The following SOX5 variants were observed in gnomAD, a reference collection of about 807,000 sequenced individuals.
SOX5 encodes SRY-box transcription factor 5.
Under a neutral mutation model 92.0 loss-of-function variants are expected in SOX5, and 9 were observed. The observed-to-expected ratio is 0.10, with a 90% CI of 0.06 to 0.17. SOX5 has a LOEUF of 0.17. SOX5 is among the 10% of genes least tolerant of loss of function. The probability of loss-of-function intolerance (pLI) is 1.00; values close to 1 mark genes in which losing one functional copy is unlikely to be tolerated. For missense variants in SOX5, 642 were observed against 944.5 expected (o/e 0.68, Z 4.20); for synonymous variants, 344 against 336.3 (o/e 1.02, Z -0.25).
chr12:24,474,597 G>A (rs1036116808), intron 1 of SOX5, among the ~76,000 whole-genome samples: 10 of 146,260 alleles, frequency 6.8e-5, no homozygotes, highest in African/African-American at 2.0e-4. Flanking sequence ...GTGCAGTGGC[G>A]TGATCTCAGT....
At chr12:24,245,235 TTGTGTGTGTGTG>T (rs58384963) in intron 3 of SOX5, among the ~76,000 whole-genome samples, 21 of 144,366 alleles carry the variant, frequency 1.5e-4, no homozygotes, top group African/African-American at 3.7e-4. Context: ...TTGGAGAGAT[TTGTGTGTGTGTG>T]TGTGTGTGTG....
intron 8 of SOX5, among the ~76,000 whole-genome samples, chr12:23,626,281 A>G (rs1216446480): frequency 6.6e-6 from 1 of 152,072 alleles, no homozygotes; most frequent in Non-Finnish European, 1.5e-5. Flanking sequence ...TCTGCTATGA[A>G]ACTACTTTAT....
intron 6 of SOX5, among the ~76,000 whole-genome samples, chr12:23,690,378 A>G (rs1006944899): frequency 1.3e-5 from 2 of 152,180 alleles, no homozygotes; most frequent in Non-Finnish European, 2.9e-5. Flanking sequence ...TATTCACACA[A>G]TAGTACAACC....
At chr12:23,638,225 G>T (rs2079541159) in intron 8 of SOX5, 1 of 152,124 alleles carries the variant, frequency 6.6e-6, no homozygotes, top group African/African-American at 2.4e-5. Flanking sequence ...ACCCACATCT[G>T]CACAGGAACA....
At position 24,056,974 on chromosome 12, in the gene SOX5, CAAAAAA is replaced by C. The variant is rs60085412; in HGVS notation, c.-2+156363_-2+156368del. Among the ~76,000 whole-genome samples the C allele has an allele frequency of 8.1e-5, 3 of 36,904 alleles. 1 individual carries two copies. The highest frequency in any genetic ancestry group is 2.1e-3 in the South Asian group (2 of 938). The allele number at this position is 36,904 out of a possible 152,430, so 24.2% of individuals were successfully genotyped here. ...TGGGCGACAGAGCGAGACTCCGTCT[CAAAAAA>C]AAAAAAAAAAAAATTCAACAAAAAA... On this transcript the variant is annotated intron_variant, in intron 4 of 4. Transcript: ENST00000446891.
chr12:24,193,625 G>A (rs566010065), intron 4 of SOX5, among the ~76,000 whole-genome samples: 2 of 152,118 alleles, frequency 1.3e-5, no homozygotes, highest in Admixed American at 1.3e-4. Flanking sequence ...CTTGTGTTTG[G>A]CTAATATTGA....
chr12:24,234,728 C>T (rs1162027299), intron 3 of SOX5, among the ~76,000 whole-genome samples: 3 of 152,162 alleles, frequency 2.0e-5, no homozygotes, highest in African/African-American at 7.2e-5. Context: ...AGAAATATCA[C>T]AATTATATTT....
chr12:24,243,969 A>G (rs1442804156), intron 3 of SOX5, among the ~76,000 whole-genome samples: 1 of 151,990 alleles, frequency 6.6e-6, no homozygotes, highest in Non-Finnish European at 1.5e-5. Flanking sequence ...CAAGCTATCT[A>G]ATTTACCAAT....
intron 4 of SOX5, among the ~76,000 whole-genome samples, chr12:24,050,084 C>CAAAAAAAAAAA (rs10687571): frequency 1.3e-5 from 1 of 74,254 alleles, no homozygotes; most frequent in Non-Finnish European, 2.3e-5. Flanking sequence ...GGCGCAGAGG[C>CAAAAAAAAAAA]AAAAAAAAAA....
chr12:23,937,629 A>T (rs999154665), intron 1 of SOX5, among the ~76,000 whole-genome samples: 6 of 150,886 alleles, frequency 4.0e-5, no homozygotes, highest in Admixed American at 1.3e-4. Flanking sequence ...TGGGGTTCTC[A>T]TCCTAAGGGC....
chr12:24,343,323 T>C (rs1217954403), intron 2 of SOX5, among the ~76,000 whole-genome samples: 1 of 152,056 alleles, frequency 6.6e-6, no homozygotes, highest in Non-Finnish European at 1.5e-5. Flanking sequence ...AGCAGTAGAG[T>C]AAAACGGCTT....
chr12:23,994,448 T>C (rs1020843955), intron 4 of SOX5, among the ~76,000 whole-genome samples: 38 of 152,208 alleles, frequency 2.5e-4, no homozygotes, highest in African/African-American at 9.2e-4. Context: ...TATAGATAGG[T>C]ATATATAGAT....
intron 4 of SOX5, among the ~76,000 whole-genome samples, chr12:24,080,054 A>AAT (rs1264772269): frequency 6.6e-6 from 1 of 151,914 alleles, no homozygotes; most frequent in Admixed American, 6.6e-5. Flanking sequence ...ACTTTGGAAC[A>AAT]ATTATATATT....
rs147660292 is a variant in SOX5, at chr12:24,203,492, T to C, written c.-2+9851A>G. On this transcript the variant is annotated intron_variant, in intron 4 of 4. Coordinates refer to the SOX5 transcript ENST00000446891. Reference sequence around the variant, plus strand: ...GCAGATAGAGCTGGGAATATTTAAATGAACACACGCATATACTCCCATTTC... The same window carrying C: ...GCAGATAGAGCTGGGAATATTTAAACGAACACACGCATATACTCCCATTTC... Among the ~76,000 whole-genome samples the C allele has an allele frequency of 2.8e-4, 43 of 152,338 alleles. No individual in the cohort carries two copies. The East Asian group carries it at 5.2e-3, about 18-fold the overall frequency.
At chr12:23,698,071 G>C (rs2090127459) in intron 6 of SOX5, among the ~76,000 whole-genome samples, 1 of 152,038 alleles carries the variant, frequency 6.6e-6, no homozygotes, top group Non-Finnish European at 1.5e-5. Flanking sequence ...CAGTACAACT[G>C]TTAAACTTAT....
intron 10 of SOX5, among the ~76,000 whole-genome samples, chr12:23,566,273 CT>C (rs1365300765): frequency 6.6e-6 from 1 of 152,132 alleles, no homozygotes; most frequent in Admixed American, 6.6e-5. Flanking sequence ...CACTGTTTCT[CT>C]TTTTATCTTT....
chr12:23,636,408 C>T (rs1266733417), intron 8 of SOX5, among the ~76,000 whole-genome samples: 5 of 152,106 alleles, frequency 3.3e-5, no homozygotes, highest in African/African-American at 9.7e-5. Context: ...TAAAGCATAT[C>T]ATTTTGCTTG....
chr12:24,219,365 A>G (rs1363896487), intron 3 of SOX5, among the ~76,000 whole-genome samples: 7 of 152,084 alleles, frequency 4.6e-5, no homozygotes, highest in Admixed American at 4.6e-4. Flanking sequence ...TATCCCAATG[A>G]CCCTGATGTG....
intron 4 of SOX5, among the ~76,000 whole-genome samples, chr12:23,982,395 T>A (rs1189886169): frequency 6.6e-6 from 1 of 152,172 alleles, no homozygotes; most frequent in East Asian, 1.9e-4. Flanking sequence ...GAAGAATCAT[T>A]GCTTTTCTTT....
Sources: allele counts gnomAD v4.1 joint callset (sites outside exome capture counted in the v4.1 genomes callset), GRCh38; gene constraint gnomAD v4.1.1; transcripts MANE v1.5; gene names NCBI Gene and HGNC (gene_info 2026-07-23, HGNC 2026-07-21).